HOMER1: variants seen among roughly 807,000 people sequenced by gnomAD.
HOMER1 encodes the protein homer scaffold protein 1.
In HOMER1, 3 loss-of-function variants were observed where a neutral mutation model predicts 48.9. The observed-to-expected ratio is 0.06, with a 90% confidence interval of 0.03 to 0.16. HOMER1 has a LOEUF of 0.16. Among genes scored for constraint, HOMER1 ranks in the 10% least tolerant of loss-of-function variants. HOMER1 has a pLI of 1.00. For synonymous variants in HOMER1, 134 were observed against 146.4 expected, an observed-to-expected ratio of 0.92 and a Z score of 0.61; for missense variants, 247 against 411.4, an observed-to-expected ratio of 0.60 and a Z score of 3.46.
At chr5:79,396,248 C>G (rs756445642) in intron 8 of HOMER1, among the ~76,000 whole-genome samples, 2 of 151,850 alleles carry the variant, frequency 1.3e-5, no homozygotes, top group Non-Finnish European at 2.9e-5. Context: ...AACTTGTGTT[C>G]CATTAGGGCA....
chr5:79,500,268 C>G (rs1240296676), intron 1 of HOMER1, among the ~76,000 whole-genome samples: 2 of 151,704 alleles, frequency 1.3e-5, no homozygotes, highest in African/African-American at 4.9e-5. Flanking sequence ...TAATATGAAT[C>G]GAGAAAAAGC....
chr5:79,497,114 C>T (rs1752446733), intron 1 of HOMER1, among the ~76,000 whole-genome samples: 1 of 148,730 alleles, frequency 6.7e-6, no homozygotes, highest in Non-Finnish European at 1.5e-5. Context: ...ATGTAGGCTT[C>T]AACGACACTG....
chr5:79,471,494 C>T (rs1283899220), intron 1 of HOMER1, among the ~76,000 whole-genome samples: 7 of 148,254 alleles, frequency 4.7e-5, no homozygotes, highest in Non-Finnish European at 7.4e-5. Flanking sequence ...TGCAGTGAGC[C>T]GAGATCATGC....
intron 6 of HOMER1, among the ~76,000 whole-genome samples, chr5:79,400,613 T>C (rs1005562413): frequency 6.6e-6 from 1 of 151,100 alleles, no homozygotes; most frequent in African/African-American, 2.4e-5. Context: ...CTCCTTAGCC[T>C]CCCAAAGTGC....
intron 5 of HOMER1, among the ~76,000 whole-genome samples, chr5:79,423,590 T>A (rs758769157): frequency 1.4e-4 from 22 of 152,192 alleles, no homozygotes; most frequent in Admixed American, 2.6e-4. Context: ...ATCTGCCTTA[T>A]GTAATGGGTT....
At chr5:79,422,838 T>C in intron 5 of HOMER1, among the ~76,000 whole-genome samples, 1 of 142,752 alleles carries the variant, frequency 7.0e-6, no homozygotes, top group South Asian at 2.1e-4. Flanking sequence ...TTTTTTTTTT[T>C]TTTTTTTTGG....
intron 5 of HOMER1, among the ~76,000 whole-genome samples, chr5:79,407,474 G>T (rs1383739646): frequency 6.6e-6 from 1 of 152,144 alleles, no homozygotes; most frequent in East Asian, 1.9e-4. Flanking sequence ...CTCAGATTGT[G>T]AATTTTAGCA....
chr5:79,486,345 C>T (rs868654992), intron 1 of HOMER1, among the ~76,000 whole-genome samples: 1 of 151,908 alleles, frequency 6.6e-6, no homozygotes, highest in African/African-American at 2.4e-5. Context: ...ACAATGAGAA[C>T]AATGTGCAAA....
chr5:79,437,199 A>G (rs1229506494), intron 5 of HOMER1, among the ~76,000 whole-genome samples: 4 of 152,240 alleles, frequency 2.6e-5, no homozygotes, highest in Non-Finnish European at 5.9e-5. Context: ...TAGCTTTTAC[A>G]AATGTTAAAT....
At chr5:79,465,698 T>G (rs1027688704) in intron 1 of HOMER1, among the ~76,000 whole-genome samples, 43 of 145,214 alleles carry the variant, frequency 3.0e-4, no homozygotes, top group Non-Finnish European at 4.9e-4. Context: ...GTTCACGCCA[T>G]TCTCCTGCCT....
chr5:79,462,824 T>C (rs1751350418), intron 1 of HOMER1, among the ~76,000 whole-genome samples: 1 of 152,082 alleles, frequency 6.6e-6, no homozygotes, highest in Non-Finnish European at 1.5e-5. Context: ...TAAATCTTCA[T>C]CCCAAGAGAG....
chr5:79,409,631 T>G (rs1035909686), intron 5 of HOMER1, among the ~76,000 whole-genome samples: 9 of 152,136 alleles, frequency 5.9e-5, no homozygotes, highest in African/African-American at 2.2e-4. Context: ...TTGCAAATCA[T>G]CTATCTGATA....
Position 79,375,817 on chromosome 5 carries a change from A to G in HOMER1, c.*192T>C, listed in dbSNP as rs761141252. The G allele has an allele frequency of 5.0e-6, 2 of 400,172 alleles. No individual in the cohort carries two copies. Among genetic ancestry groups the G allele is most frequent in the Non-Finnish European group, 8.8e-6 (2 of 227,630 alleles). The allele number at this position is 400,172 out of a possible 1,614,324, so 24.8% of individuals were successfully genotyped here. ...TTCAAGTTTTTCATCTTTTTTCCCC[A>G]ACTAGCTACAAGCTGGATTCTAAAA... On this transcript the variant is annotated 3_prime_UTR_variant, in exon 9 of 9. Coordinates refer to ENST00000334082, the MANE Select transcript of HOMER1 (RefSeq NM_004272.5).
At chr5:79,422,215 A>T (rs886585611) in intron 5 of HOMER1, among the ~76,000 whole-genome samples, 2 of 151,180 alleles carry the variant, frequency 1.3e-5, no homozygotes, top group Non-Finnish European at 2.9e-5. Flanking sequence ...TGACAGAGGG[A>T]GGCTCCATCT....
chr5:79,411,778 T>C (rs1023287526), intron 5 of HOMER1, among the ~76,000 whole-genome samples: 2 of 152,158 alleles, frequency 1.3e-5, no homozygotes, highest in African/African-American at 4.8e-5. Flanking sequence ...ATGTTAATTA[T>C]GTAGAACTGA....
chr5:79,452,523 T>TG (rs1751057177), intron 2 of HOMER1, among the ~76,000 whole-genome samples: 1 of 152,230 alleles, frequency 6.6e-6, no homozygotes, highest in Non-Finnish European at 1.5e-5. Context: ...AAATGTGGAA[T>TG]GATACATCAA....
At chr5:79,391,572 G>A (rs767590869) in intron 8 of HOMER1, among the ~76,000 whole-genome samples, 8 of 151,592 alleles carry the variant, frequency 5.3e-5, no homozygotes, top group African/African-American at 1.5e-4. Context: ...GTGAAACTCC[G>A]TCTCTGCTAA....
intron 5 of HOMER1, among the ~76,000 whole-genome samples, chr5:79,436,458 A>G (rs1006450184): frequency 6.6e-6 from 1 of 152,238 alleles, no homozygotes; most frequent in Non-Finnish European, 1.5e-5. Context: ...CTAATGAACT[A>G]TGTGACTTAC....
chr5:79,444,072 C>T (rs1158391305), intron 4 of HOMER1, among the ~76,000 whole-genome samples: 1 of 152,138 alleles, frequency 6.6e-6, no homozygotes, highest in Admixed American at 6.5e-5. Context: ...TCGTGTTTAA[C>T]CTATTATCAA....
Sources: allele counts gnomAD v4.1 joint callset (sites outside exome capture counted in the v4.1 genomes callset), GRCh38; gene constraint gnomAD v4.1.1; transcripts MANE v1.5; gene names NCBI Gene and HGNC (gene_info 2026-07-23, HGNC 2026-07-21).